The following CACNA1C variants were observed in gnomAD, a reference collection of about 807,000 sequenced individuals.
CACNA1C encodes the protein calcium voltage-gated channel subunit alpha1 C.
CACNA1C carries 30 observed loss-of-function variants against 229.0 expected under a neutral mutation model. The observed-to-expected ratio is 0.13, with a 90% confidence interval of 0.10 to 0.18. The LOEUF (loss-of-function observed/expected upper bound fraction) is 0.18. CACNA1C is among the 10% of genes least tolerant of loss of function. The pLI is 1.00. For missense variants in CACNA1C, 1,658 were observed against 2,845.0 expected (o/e 0.58, Z 9.49); for synonymous variants, 1,114 against 1,132.5 (o/e 0.98, Z 0.33).
Position 2,417,060 on chromosome 12 carries a change from T to C in CACNA1C, c.478-31916T>C, listed in dbSNP as rs142735422. On this transcript the variant is annotated intron_variant, in intron 3 of 46. Transcript: ENST00000399655. ...TTAAACATGCTTGCAGTGGATCAAG[T>C]GTGCTGTTGCAGTCACTTCTATACA... Among the ~76,000 whole-genome samples the C allele has an allele frequency of 3.9e-5, 6 of 152,350 alleles. No individual in the cohort carries two copies. In the East Asian group the frequency reaches 1.2e-3, roughly 29 times the overall value.
Position 2,691,170 on chromosome 12 carries a change from G to T in CACNA1C, c.6388G>T (p.Asp2130Tyr), listed in dbSNP as rs199473392. ...RGRPSEEELQDSRVYVSSL is the reference protein window; with the variant it reads ...RGRPSEEELQYSRVYVSSL Reference sequence around the variant, plus strand: ...TCGACCGAGTGAGGAGGAGCTCCAGGACAGCAGGGTCTACGTCAGCAGCCT... The same window carrying T: ...TCGACCGAGTGAGGAGGAGCTCCAGTACAGCAGGGTCTACGTCAGCAGCCT... Residue 2130 changes from aspartate (D) to tyrosine (Y), a missense_variant, in exon 47 of 47, where the codon GAC (aspartate) becomes TAC (tyrosine). Physicochemically the swap from Asp to Tyr is radical, Grantham distance 160 (BLOSUM62 -3). Around this residue, in one of 20 missense-constraint regions of CACNA1C, gnomAD observed 590 missense variants for 700.8 expected, o/e 0.84. Transcript: ENST00000399655. 5 of 1,598,280 alleles carry T rather than the reference G, an allele frequency of 3.1e-6. No individual in the cohort carries two copies. The highest frequency in any genetic ancestry group is 4.3e-6 in the Non-Finnish European group (5 of 1,169,872).
intron 1 of CACNA1C, among the ~76,000 whole-genome samples, chr12:2,092,557 C>T (rs556204989): frequency 9.8e-5 from 15 of 152,296 alleles, no homozygotes; most frequent in Middle Eastern, 3.4e-3. Flanking sequence ...GCCCGACTCT[C>T]CTCTGGAGCA....
chr12:2,120,248 A>G, intron 2 of CACNA1C, 77 bp from the exon 3 acceptor site: 1 of 821,264 alleles, frequency 1.2e-6, no homozygotes, highest in Non-Finnish European at 2.2e-6. Flanking sequence ...TCTTTGATTC[A>G]TTTTAAAAAA....
At chr12:2,589,609 G>C (rs752474140) in intron 18 of CACNA1C, among the ~76,000 whole-genome samples, 20 of 151,978 alleles carry the variant, frequency 1.3e-4, no homozygotes, top group Non-Finnish European at 2.4e-4. Flanking sequence ...CGGGAGGCTG[G>C]GTCTGATCCA....
intron 34 of CACNA1C, among the ~76,000 whole-genome samples, chr12:2,662,024 C>T (rs1325750375): frequency 6.6e-6 from 1 of 152,116 alleles, no homozygotes; most frequent in Non-Finnish European, 1.5e-5. Flanking sequence ...GGGTGGATCA[C>T]GAGGTCAGGA....
At chr12:2,037,068 A>G (rs1215180226) in intron 1 of CACNA1C, among the ~76,000 whole-genome samples, 2 of 152,192 alleles carry the variant, frequency 1.3e-5, no homozygotes, top group African/African-American at 4.8e-5. Flanking sequence ...TCCAGGTGGC[A>G]TGAGTTACCT....
intron 3 of CACNA1C, among the ~76,000 whole-genome samples, chr12:2,202,346 A>G (rs370105132): frequency 1.3e-5 from 2 of 152,284 alleles, no homozygotes; most frequent in Admixed American, 6.5e-5. Flanking sequence ...TCCTAATTTC[A>G]TGAAGCCTGG....
At chr12:2,189,088 G>A (rs1274750855) in intron 3 of CACNA1C, among the ~76,000 whole-genome samples, 24 of 101,066 alleles carry the variant, frequency 2.4e-4, no homozygotes, top group African/African-American at 9.5e-4. Context: ...ACGAGACTCC[G>A]TCTCAAAAAA....
chr12:2,625,425 C>T (rs376073466), intron 29 of CACNA1C, among the ~76,000 whole-genome samples: 17 of 152,162 alleles, frequency 1.1e-4, no homozygotes, highest in African/African-American at 3.6e-4. Flanking sequence ...GGTGCGTCGG[C>T]GATAACCCGA....
At position 2,611,935 on chromosome 12, in the gene CACNA1C, C is replaced by A. The variant is rs1396620057; in HGVS notation, c.3750C>A (p.Ala1250=). 1 of 1,613,556 alleles carries A rather than the reference C, an allele frequency of 6.2e-7. No homozygotes were observed. Among genetic ancestry groups the A allele is most frequent in the South Asian group, 1.1e-5 (1 of 91,058 alleles). Residue 1250 remains alanine, a synonymous_variant, in exon 29 of 47, where the codon GCC becomes GCA. Transcript: ENST00000399655. ...GCCAGAGCTGCCTGTTCAAAATCGC[C>A]ATGAACATCCTCAACATGCTCTTCA... ...HYGQSCLFKI[A]MNILNMLFTG...
upstream of CACNA1C, among the ~76,000 whole-genome samples, chr12:2,052,534 A>G (rs1385648619): frequency 2.7e-5 from 4 of 148,814 alleles, no homozygotes; most frequent in African/African-American, 9.9e-5. Context: ...GCAGCGGAGG[A>G]GAGAACGCGG....
At chr12:2,042,958 C>G (rs1299800655) in intron 1 of CACNA1C, among the ~76,000 whole-genome samples, 3 of 152,124 alleles carry the variant, frequency 2.0e-5, no homozygotes, top group Non-Finnish European at 4.4e-5. Flanking sequence ...TATGCCTGTA[C>G]TTTGAGAAAT....
rs374695950 is a variant in CACNA1C at position 2,123,196 on chromosome 12, A to G, written c.477+2766A>G. Among the ~76,000 whole-genome samples the G allele has an allele frequency of 5.3e-3, 807 of 152,080 alleles. 3 individuals are homozygous for G. Among genetic ancestry groups the G allele is most frequent in the African/African-American group, 0.018 (756 of 41,474 alleles). On this transcript the variant is annotated intron_variant, in intron 3 of 46. Coordinates refer to ENST00000399655, the MANE Select transcript of CACNA1C (RefSeq NM_000719.7). ...TCGAGACCAGCCTGGCTAACACGGT[A>G]AAACCCCATCTCTACTAAAAATACA...
intron 3 of CACNA1C, among the ~76,000 whole-genome samples, chr12:2,361,076 C>G (rs746199795): frequency 2.6e-5 from 4 of 151,628 alleles, no homozygotes; most frequent in Non-Finnish European, 5.9e-5. Context: ...GAGTATTTTT[C>G]ATGGGGAGAC....
At chr12:2,104,171 A>G (rs887913539) in intron 1 of CACNA1C, among the ~76,000 whole-genome samples, 19 of 152,122 alleles carry the variant, frequency 1.2e-4, no homozygotes, top group Admixed American at 3.9e-4. Flanking sequence ...TTTGGGCAGT[A>G]TGGCCATTTT....
chr12:2,582,069 G>A (rs1052015958), intron 14 of CACNA1C, among the ~76,000 whole-genome samples: 1 of 151,852 alleles, frequency 6.6e-6, no homozygotes, highest in African/African-American at 2.4e-5. Flanking sequence ...CCAGGAGGCA[G>A]AGGTTGCAGT....
chr12:2,579,882 A>G (rs971983504), intron 13 of CACNA1C, among the ~76,000 whole-genome samples: 1 of 152,204 alleles, frequency 6.6e-6, no homozygotes, highest in Non-Finnish European at 1.5e-5. Context: ...ATGAGCCACC[A>G]CCATGCCCAG....
chr12:2,190,066 C>T lies in CACNA1C; in HGVS notation c.477+69636C>T, dbSNP rs78622415. On this transcript the variant is annotated intron_variant, in intron 3 of 46. Transcript: ENST00000399655. Reference sequence around the variant, plus strand: ...TGCTCTTTGTTAATGGAATGGAATCCTCTTTCTGCACTAAAAATGAGATGA... The same window carrying T: ...TGCTCTTTGTTAATGGAATGGAATCTTCTTTCTGCACTAAAAATGAGATGA... 5.9e-5 allele frequency among the ~76,000 whole-genome samples: 9 copies of T among 152,290 alleles called. No individual in the cohort carries two copies. The East Asian group carries it at 1.7e-3, about 29-fold the overall frequency.
chr12:2,286,400 G>T (rs551012218), intron 3 of CACNA1C, among the ~76,000 whole-genome samples: 2 of 152,194 alleles, frequency 1.3e-5, no homozygotes, highest in South Asian at 4.1e-4. Context: ...TGGAGCGAGC[G>T]GGTGAAAATA....
Sources: allele counts gnomAD v4.1 joint callset (sites outside exome capture counted in the v4.1 genomes callset), GRCh38; gene constraint gnomAD v4.1.1; regional missense constraint gnomAD v4.1.1; transcripts MANE v1.5; gene names NCBI Gene and HGNC (gene_info 2026-07-23, HGNC 2026-07-21).